The following SFMBT2 variants were observed in gnomAD, a reference collection of about 807,000 sequenced individuals.
SFMBT2 encodes the protein scm-like with four MBT domains protein 2.
Under a neutral mutation model 110.1 loss-of-function variants are expected in SFMBT2, and 38 were observed. The observed-to-expected ratio is 0.35, with a 90% confidence interval of 0.27 to 0.45. The LOEUF (loss-of-function observed/expected upper bound fraction) is 0.45. Among genes scored for constraint, SFMBT2 ranks in the 20% least tolerant of loss-of-function variants. The pLI is 1.00. For synonymous variants in SFMBT2, 425 were observed against 425.4 expected (o/e 1.00, Z 0.01); for missense variants, 1,011 against 1,094.9 (o/e 0.92, Z 1.08).
chr10:7,256,029 C>A (rs967298770), intron 7 of SFMBT2, among the ~76,000 whole-genome samples: 2 of 152,186 alleles, frequency 1.3e-5, no homozygotes, highest in African/African-American at 4.8e-5. Context: ...TGGACAGAAA[C>A]AGCTAACATG....
chr10:7,271,543 C>A lies in SFMBT2; in HGVS notation c.870+5349G>T, dbSNP rs181857468. Among the ~76,000 whole-genome samples the A allele has an allele frequency of 1.3e-4, 20 of 152,266 alleles. No individual in the cohort carries two copies. In the East Asian group the frequency reaches 3.3e-3, roughly 25 times the overall value. On this transcript the variant is annotated intron_variant, in intron 7 of 20. Coordinates refer to ENST00000397167, the MANE Select transcript of SFMBT2 (RefSeq NM_001387889.1). ...AGAACAAGCTGCTGAAGGACACCAA[C>A]AGAGGCTCAAGTTCATCTGGGCCAG...
chr10:7,198,966 A>G (rs553924258), intron 14 of SFMBT2, among the ~76,000 whole-genome samples: 12 of 152,250 alleles, frequency 7.9e-5, no homozygotes, highest in Non-Finnish European at 1.3e-4. Flanking sequence ...TCTCAAAAAA[A>G]GAAGAAAGTT....
At chr10:7,384,273 A>G (rs1035400655) in intron 1 of SFMBT2, among the ~76,000 whole-genome samples, 23 of 148,688 alleles carry the variant, frequency 1.5e-4, no homozygotes, top group Admixed American at 1.3e-4. Context: ...ACCATCCCTG[A>G]AGAGAAATGG....
At chr10:7,315,182 T>C (rs1007662330) in intron 4 of SFMBT2, among the ~76,000 whole-genome samples, 1 of 152,066 alleles carries the variant, frequency 6.6e-6, no homozygotes, top group Non-Finnish European at 1.5e-5. Context: ...GAGGGTCCAT[T>C]GTGTGTGTCA....
chr10:7,307,387 C>T (rs1434768741), intron 4 of SFMBT2, among the ~76,000 whole-genome samples: 1 of 152,156 alleles, frequency 6.6e-6, no homozygotes, highest in Non-Finnish European at 1.5e-5. Flanking sequence ...AGAGCCAAAA[C>T]ACTCTTCAAG....
At chr10:7,347,941 A>G (rs1481655056) in intron 4 of SFMBT2, among the ~76,000 whole-genome samples, 5 of 152,234 alleles carry the variant, frequency 3.3e-5, no homozygotes, top group African/African-American at 1.2e-4. Flanking sequence ...CTAAAGATCC[A>G]TTTGGGATCT....
intron 9 of SFMBT2, among the ~76,000 whole-genome samples, chr10:7,236,278 CTT>C (rs1403865433): frequency 1.5e-4 from 23 of 152,114 alleles, no homozygotes; most frequent in Admixed American, 1.5e-3. Flanking sequence ...CAATGGGACT[CTT>C]TATAGAACCT....
chr10:7,392,623 T>C (rs1845799746), intron 1 of SFMBT2, among the ~76,000 whole-genome samples: 1 of 152,262 alleles, frequency 6.6e-6, no homozygotes. Context: ...TGATGGATTT[T>C]TAAGAGATCT....
At chr10:7,238,813 G>A (rs1334420376) in intron 9 of SFMBT2, among the ~76,000 whole-genome samples, 1 of 152,152 alleles carries the variant, frequency 6.6e-6, no homozygotes, top group Admixed American at 6.5e-5. Context: ...CACAAGAAAG[G>A]TTAATGAAAT....
intron 7 of SFMBT2, among the ~76,000 whole-genome samples, chr10:7,250,489 T>C (rs1419348232): frequency 2.6e-5 from 4 of 152,250 alleles, no homozygotes; most frequent in Non-Finnish European, 5.9e-5. Flanking sequence ...AGTCGATCAC[T>C]GATGGGCACT....
intron 1 of SFMBT2, among the ~76,000 whole-genome samples, chr10:7,397,496 G>A (rs865933038): frequency 6.6e-5 from 10 of 152,076 alleles, no homozygotes; most frequent in South Asian, 4.2e-4. Flanking sequence ...AATCTAGCAC[G>A]TCTAAATCAA....
chr10:7,210,421 G>A lies in SFMBT2; in HGVS notation c.1331-4493C>T, dbSNP rs1839304237. ...ATGCCACTGGGCAGCAGAGGCAGGA[G>A]GGACCCAGGGCGAGGGAGGCTACAA... On this transcript the variant is annotated intron_variant, in intron 11 of 20. Transcript: ENST00000397167. 2.0e-5 allele frequency among the ~76,000 whole-genome samples: 3 copies of A among 152,162 alleles called. No individual in the cohort carries two copies. The South Asian group carries it at 6.2e-4, about 32-fold the overall frequency.
intron 4 of SFMBT2, among the ~76,000 whole-genome samples, chr10:7,329,804 G>A (rs2131955951): frequency 6.6e-6 from 1 of 152,328 alleles, no homozygotes; most frequent in Middle Eastern, 3.4e-3. Flanking sequence ...CAGCAAATGA[G>A]GTGGCAGCTG....
At chr10:7,244,810 T>G (rs2131722789) in intron 8 of SFMBT2, among the ~76,000 whole-genome samples, 1 of 152,298 alleles carries the variant, frequency 6.6e-6, no homozygotes, top group South Asian at 2.1e-4. Flanking sequence ...GAAATTCACT[T>G]CTGTTCTTGC....
chr10:7,225,711 C>A (rs1458270726), intron 10 of SFMBT2, among the ~76,000 whole-genome samples: 1 of 152,074 alleles, frequency 6.6e-6, no homozygotes. Context: ...TTTAGTGGGG[C>A]AAGGACTATA....
At chr10:7,186,143 G>A (rs1417342760) in intron 16 of SFMBT2, among the ~76,000 whole-genome samples, 2 of 152,054 alleles carry the variant, frequency 1.3e-5, no homozygotes, top group South Asian at 4.1e-4. Flanking sequence ...AGGTAACAGT[G>A]TAAGTTTTCG....
chr10:7,338,788 A>C (rs1160184580), intron 4 of SFMBT2, among the ~76,000 whole-genome samples: 5 of 152,188 alleles, frequency 3.3e-5, no homozygotes, highest in African/African-American at 9.7e-5. Context: ...CTCCATCCCC[A>C]TTCCCCAGCG....
intron 7 of SFMBT2, among the ~76,000 whole-genome samples, chr10:7,260,330 A>G (rs999584076): frequency 6.6e-6 from 1 of 152,202 alleles, no homozygotes. Flanking sequence ...GGGTCCAGAG[A>G]AAAGGCAAGT....
chr10:7,338,053 CAT>C (rs544850413), intron 4 of SFMBT2, among the ~76,000 whole-genome samples: 42 of 152,308 alleles, frequency 2.8e-4, no homozygotes, highest in Admixed American at 1.7e-3. Context: ...GCCCTCCACA[CAT>C]GTGACCTCCT....
Sources: allele counts gnomAD v4.1 joint callset (sites outside exome capture counted in the v4.1 genomes callset), GRCh38; gene constraint gnomAD v4.1.1; transcripts MANE v1.5; gene names NCBI Gene and HGNC (gene_info 2026-07-23, HGNC 2026-07-21).